The following IQSEC1 variants were observed in gnomAD, a reference collection of about 807,000 sequenced individuals.
IQSEC1 encodes the protein IQ motif and Sec7 domain ArfGEF 1.
In IQSEC1, 31 loss-of-function variants were observed where a neutral mutation model predicts 91.0. The observed-to-expected ratio is 0.34, with a 90% confidence interval of 0.26 to 0.46. The LOEUF (loss-of-function observed/expected upper bound fraction) is 0.46. Among genes scored for constraint, IQSEC1 ranks in the 20% least tolerant of loss-of-function variants. The probability of loss-of-function intolerance (pLI) is 1.00; values close to 1 mark genes in which losing one functional copy is unlikely to be tolerated. For missense variants in IQSEC1, 1,388 were observed against 1,575.6 expected (o/e 0.88, Z 2.02); for synonymous variants, 699 against 662.6 (o/e 1.05, Z -0.84).
At position 13,214,211 on chromosome 3, in the gene IQSEC1, A is replaced by G. The variant is rs1428497267; in HGVS notation, c.273-50078T>C. On this transcript the variant is annotated intron_variant, in intron 1 of 15. Coordinates refer to the IQSEC1 transcript ENST00000648114. This position sits in a 1 kb window ranked among gnomAD's most constrained non-coding sequence, Gnocchi z 4.5. ...ACCCCTCTCTTACCCTTCTAGTCGC[A>G]CTGCAGGGGCTTCTAAGCCTTTGAG... Among the ~76,000 whole-genome samples, 3 of 152,162 alleles carry G rather than the reference A, an allele frequency of 2.0e-5. No homozygotes were observed. The highest frequency in any genetic ancestry group is 4.4e-5 in the Non-Finnish European group (3 of 68,022).
chr3:13,277,219 G>T (rs1695704142), intron 1 of IQSEC1, among the ~76,000 whole-genome samples: 1 of 149,768 alleles, frequency 6.7e-6, no homozygotes, highest in African/African-American at 2.5e-5. Context: ...CACCCAGCTG[G>T]CAAAAAACGC....
intron 3 of IQSEC1, among the ~76,000 whole-genome samples, chr3:12,933,699 G>A (rs903601101): frequency 3.9e-5 from 6 of 152,246 alleles, no homozygotes; most frequent in African/African-American, 1.4e-4. Flanking sequence ...CAAGCCCCAA[G>A]CTGTGTTCTT....
chr3:13,048,561 G>C (rs1704577596), intron 1 of IQSEC1, among the ~76,000 whole-genome samples: 1 of 152,240 alleles, frequency 6.6e-6, no homozygotes, highest in African/African-American at 2.4e-5. Flanking sequence ...AGTGGGGTTT[G>C]ACATTCTGGG....
At chr3:13,215,008 G>T (rs1434952357) in intron 1 of IQSEC1, among the ~76,000 whole-genome samples, 1 of 152,150 alleles carries the variant, frequency 6.6e-6, no homozygotes, top group East Asian at 1.9e-4. Flanking sequence ...GTTCAGGGCT[G>T]GCAGGATGAG....
intron 6 of IQSEC1, among the ~76,000 whole-genome samples, chr3:12,917,672 T>C (rs1208372905): frequency 2.0e-5 from 3 of 152,180 alleles, no homozygotes; most frequent in African/African-American, 7.2e-5. Flanking sequence ...TTGCCACATT[T>C]TGACAGTTTT....
At chr3:13,047,581 T>C in intron 1 of IQSEC1, 1 of 901,184 alleles carries the variant, frequency 1.1e-6, no homozygotes. Context: ...GCAAACCCCT[T>C]GGGGGCCATG....
At chr3:12,968,520 G>A (rs946760658) in intron 1 of IQSEC1, among the ~76,000 whole-genome samples, 3 of 152,162 alleles carry the variant, frequency 2.0e-5, no homozygotes, top group African/African-American at 7.2e-5. Context: ...TGAGTAAACT[G>A]AGGCTCAGCT....
At chr3:13,061,331 G>A (rs190622830) in intron 1 of IQSEC1, among the ~76,000 whole-genome samples, 83 of 152,258 alleles carry the variant, frequency 5.5e-4, no homozygotes, top group African/African-American at 1.8e-3. Flanking sequence ...AGGTTGATCT[G>A]GAATAAATGA....
At chr3:12,958,586 G>A (rs1009943031) in intron 1 of IQSEC1, among the ~76,000 whole-genome samples, 2 of 152,248 alleles carry the variant, frequency 1.3e-5, no homozygotes, top group African/African-American at 4.8e-5. Context: ...ACTGCATGGT[G>A]CCATGGGTGC....
intron 1 of IQSEC1, among the ~76,000 whole-genome samples, chr3:12,973,646 T>C (rs965965708): frequency 6.6e-6 from 1 of 152,156 alleles, no homozygotes; most frequent in Non-Finnish European, 1.5e-5. Flanking sequence ...CCTTACCCCA[T>C]TTACCCTGAT....
At chr3:13,255,055 G>C (rs903713813) in intron 1 of IQSEC1, among the ~76,000 whole-genome samples, 3 of 152,222 alleles carry the variant, frequency 2.0e-5, no homozygotes, top group Admixed American at 1.3e-4. Flanking sequence ...CAACCTCCAC[G>C]TCAGGCAGCT....
intron 1 of IQSEC1, among the ~76,000 whole-genome samples, chr3:13,040,741 T>C (rs775327764): frequency 6.6e-6 from 1 of 152,130 alleles, no homozygotes; most frequent in Non-Finnish European, 1.5e-5. Flanking sequence ...TCCCATGTGG[T>C]TTCCCCTCTG....
At chr3:12,921,669 G>A (rs542357585) in intron 5 of IQSEC1, among the ~76,000 whole-genome samples, 1 of 152,162 alleles carries the variant, frequency 6.6e-6, no homozygotes, top group Non-Finnish European at 1.5e-5. Flanking sequence ...CCGGTAAGTG[G>A]TAGAGTCGGT....
At chr3:12,929,436 G>A (rs780219135) in intron 3 of IQSEC1, among the ~76,000 whole-genome samples, 8 of 152,222 alleles carry the variant, frequency 5.3e-5, no homozygotes, top group Non-Finnish European at 8.8e-5. Flanking sequence ...AGAGAGCCAG[G>A]AAGAAGGTCC....
chr3:13,248,757 T>A (rs916266771), intron 1 of IQSEC1, among the ~76,000 whole-genome samples: 2 of 120,934 alleles, frequency 1.7e-5, no homozygotes, highest in African/African-American at 9.0e-5. Context: ...TTTTATTATA[T>A]CCATGTTATA....
intron 2 of IQSEC1, among the ~76,000 whole-genome samples, chr3:13,120,605 A>G (rs1164489803): frequency 6.6e-6 from 1 of 152,208 alleles, no homozygotes. Context: ...ATATTTAATT[A>G]AGGAAACTTA....
intron 2 of IQSEC1, among the ~76,000 whole-genome samples, chr3:12,938,845 G>A (rs1237035964): frequency 1.3e-5 from 2 of 152,230 alleles, no homozygotes; most frequent in South Asian, 2.1e-4. Flanking sequence ...GGGGGCGAAG[G>A]GACTTCAGGA....
chr3:12,911,502 C>T, intron 10 of IQSEC1, 127 bp downstream of exon 10: 1 of 718,472 alleles, frequency 1.4e-6, no homozygotes, highest in Non-Finnish European at 2.5e-6. Flanking sequence ...TAGCTGCAAT[C>T]TGCTCTCTGG....
chr3:13,115,898 C>A (rs1381207540), intron 2 of IQSEC1, among the ~76,000 whole-genome samples: 1 of 152,222 alleles, frequency 6.6e-6, no homozygotes, highest in Non-Finnish European at 1.5e-5. Context: ...TGGACCTGCT[C>A]CCCACCTTCC....
Sources: gnomAD v4.1 joint callset for allele counts (sites outside exome capture counted in the v4.1 genomes callset) on GRCh38, gnomAD v4.1.1 for gene constraint, Gnocchi (gnomAD v3.1) non-coding constraint, MANE v1.5 for transcripts, NCBI Gene and HGNC (gene_info 2026-07-23, HGNC 2026-07-21) for gene names.